CCDC141: variants seen among roughly 807,000 people sequenced by gnomAD.
The protein encoded by CCDC141 is coiled-coil domain-containing protein 141.
A neutral mutation model predicts 181.0 loss-of-function variants in CCDC141; 168 were observed. That is an observed-to-expected ratio of 0.93 (90% CI 0.82 to 1.05). The LOEUF (loss-of-function observed/expected upper bound fraction) is 1.05. CCDC141 is among the 50% of genes least tolerant of loss of function. The pLI is 0.00. For synonymous variants in CCDC141, 666 were observed against 642.3 expected, an observed-to-expected ratio of 1.04 and a Z score of -0.56; for missense variants, 1,902 against 1,788.5, an observed-to-expected ratio of 1.06 and a Z score of -1.14.
chr2:178,925,476 C>T (rs925991363), intron 6 of CCDC141, among the ~76,000 whole-genome samples: 1 of 152,198 alleles, frequency 6.6e-6, no homozygotes, highest in Non-Finnish European at 1.5e-5. Flanking sequence ...ACACTGTGCT[C>T]ATAAACAAAT....
At chr2:178,893,289 C>G (rs1575179619) in intron 8 of CCDC141, among the ~76,000 whole-genome samples, 1 of 151,110 alleles carries the variant, frequency 6.6e-6, no homozygotes, top group South Asian at 2.1e-4. Flanking sequence ...GCTCTATTTA[C>G]TGTATGGAAG....
At chr2:178,905,056 C>A (rs1687895664) in intron 8 of CCDC141, among the ~76,000 whole-genome samples, 1 of 152,194 alleles carries the variant, frequency 6.6e-6, no homozygotes, top group African/African-American at 2.4e-5. Flanking sequence ...CTACTTCTTA[C>A]TTTGTCCATT....
At chr2:178,957,512 T>C (rs950515931) in intron 5 of CCDC141, among the ~76,000 whole-genome samples, 4 of 152,146 alleles carry the variant, frequency 2.6e-5, no homozygotes, top group Non-Finnish European at 5.9e-5. Flanking sequence ...AGTTTAGCAG[T>C]TTCTTACAAA....
intron 12 of CCDC141, chr2:178,876,281 A>G (rs1686353193): frequency 1.3e-5 from 2 of 152,206 alleles, no homozygotes; most frequent in African/African-American, 4.8e-5. Context: ...AATCTACAGA[A>G]ACTAGAAGAG....
intron 7 of CCDC141, 111 bp from the exon 8 acceptor site, chr2:178,905,612 T>C: frequency 9.8e-7 from 1 of 1,018,496 alleles, no homozygotes; most frequent in Non-Finnish European, 1.4e-6. Context: ...TTAGTTTCAT[T>C]ATAACAAAAA....
chr2:178,987,399 T>G (rs1165620684), intron 2 of CCDC141, among the ~76,000 whole-genome samples: 2 of 152,008 alleles, frequency 1.3e-5, no homozygotes, highest in African/African-American at 4.8e-5. Context: ...ATTCAGGACA[T>G]AGGCATGTGC....
At chr2:179,008,750 G>T (rs146520799) in intron 2 of CCDC141, among the ~76,000 whole-genome samples, 2 of 152,226 alleles carry the variant, frequency 1.3e-5, no homozygotes, top group Non-Finnish European at 2.9e-5. Flanking sequence ...AAAGTCTTGA[G>T]TCCCCCAAAT....
At chr2:178,985,773 G>A (rs1427277405) in intron 2 of CCDC141, among the ~76,000 whole-genome samples, 2 of 152,154 alleles carry the variant, frequency 1.3e-5, no homozygotes, top group South Asian at 4.1e-4. Flanking sequence ...CCAGGAAGAA[G>A]TTGAATCTCT....
At chr2:178,920,774 A>T (rs1199818810) in intron 6 of CCDC141, among the ~76,000 whole-genome samples, 1 of 152,166 alleles carries the variant, frequency 6.6e-6, no homozygotes, top group Admixed American at 6.5e-5. Context: ...ATGTTAAGAT[A>T]GAAACTGTAC....
intron 6 of CCDC141, among the ~76,000 whole-genome samples, chr2:178,942,586 C>T (rs1689567542): frequency 2.0e-5 from 3 of 152,128 alleles, no homozygotes; most frequent in Non-Finnish European, 4.4e-5. Flanking sequence ...TCATTCAATA[C>T]ATATCATCAT....
intron 23 of CCDC141, chr2:178,835,824 CTTGAT>C (rs1310837886): frequency 6.6e-6 from 1 of 152,500 alleles, no homozygotes; most frequent in East Asian, 1.9e-4. Flanking sequence ...ATATGACACT[CTTGAT>C]TTGTAAAAAA....
chr2:178,966,553 A>G (rs1690642860), intron 4 of CCDC141, among the ~76,000 whole-genome samples: 1 of 152,146 alleles, frequency 6.6e-6, no homozygotes, highest in African/African-American at 2.4e-5. Flanking sequence ...AAAACTAACA[A>G]ACAGAAAGGA....
At chr2:179,020,454 T>C (rs1676515918) in intron 2 of CCDC141, among the ~76,000 whole-genome samples, 1 of 152,154 alleles carries the variant, frequency 6.6e-6, no homozygotes, top group African/African-American at 2.4e-5. Context: ...ACGTTGGCTG[T>C]GATATGATAG....
intron 12 of CCDC141, chr2:178,877,351 G>T (rs1686397727): frequency 6.6e-6 from 1 of 152,180 alleles, no homozygotes; most frequent in Non-Finnish European, 1.5e-5. Context: ...AAGGTTTCTA[G>T]CAGCTGGCAT....
chr2:178,874,950 C>T (rs1686293741), intron 12 of CCDC141: 1 of 152,018 alleles, frequency 6.6e-6, no homozygotes, highest in Non-Finnish European at 1.5e-5. Flanking sequence ...GCAGACTACC[C>T]AAACAAAGAT....
intron 6 of CCDC141, chr2:178,926,669 A>G (rs1299876279): frequency 6.6e-6 from 1 of 152,216 alleles, no homozygotes; most frequent in Non-Finnish European, 1.5e-5. Context: ...GGTGCCACTA[A>G]TTTAAAAGGG....
At chr2:178,979,700 C>A (rs1440029007) in intron 2 of CCDC141, among the ~76,000 whole-genome samples, 1 of 152,074 alleles carries the variant, frequency 6.6e-6, no homozygotes, top group Non-Finnish European at 1.5e-5. Context: ...AGAATCAAAA[C>A]AAAAATCACT....
At chr2:178,946,849 T>C (rs748502367) in intron 5 of CCDC141, among the ~76,000 whole-genome samples, 2 of 152,206 alleles carry the variant, frequency 1.3e-5, no homozygotes, top group Non-Finnish European at 2.9e-5. Context: ...GTTAAAGACA[T>C]ACGATAATGT....
At chr2:178,855,636 C>T (rs1685352046) in intron 18 of CCDC141, 95 bp from the exon 19 acceptor site, 1 of 680,870 alleles carries the variant, frequency 1.5e-6, no homozygotes, top group Non-Finnish European at 2.4e-6. Context: ...AAAAATTTTG[C>T]AGCTTCCTCC....
Sources: gnomAD v4.1 joint callset for allele counts (sites outside exome capture counted in the v4.1 genomes callset) on GRCh38, gnomAD v4.1.1 for gene constraint, MANE v1.5 for transcripts, NCBI Gene and HGNC (gene_info 2026-07-23, HGNC 2026-07-21) for gene names.